CELF4: variants seen among roughly 807,000 people sequenced by gnomAD.
The protein encoded by CELF4 is CUG-BP- and ETR-3-like factor 4.
In CELF4, 18 loss-of-function variants were observed where a neutral mutation model predicts 59.9. The ratio of observed to expected loss-of-function variants is 0.30; its 90% confidence interval spans 0.21 to 0.45. The LOEUF (loss-of-function observed/expected upper bound fraction) is 0.45, where lower values mean the gene tolerates loss of function less well. CELF4 is among the 20% of genes least tolerant of loss of function. The probability of loss-of-function intolerance (pLI) is 1.00; values close to 1 mark genes in which losing one functional copy is unlikely to be tolerated. For synonymous variants in CELF4, 261 were observed against 267.1 expected (o/e 0.98, Z 0.22); for missense variants, 456 against 689.0 (o/e 0.66, Z 3.79).
At chr18:37,271,320 T>C (rs2091177007) in intron 7 of CELF4, among the ~76,000 whole-genome samples, 1 of 136,638 alleles carries the variant, frequency 7.3e-6, no homozygotes, top group Non-Finnish European at 1.5e-5. Flanking sequence ...AGTGGTGCAA[T>C]CTCAGCTCAC....
At chr18:37,346,571 A>G (rs1323381908) in intron 2 of CELF4, among the ~76,000 whole-genome samples, 1 of 152,212 alleles carries the variant, frequency 6.6e-6, no homozygotes, top group East Asian at 1.9e-4. Flanking sequence ...GGGCAGGTAC[A>G]TGAGCCATGT....
chr18:37,489,699 C>A (rs945839301), intron 1 of CELF4, among the ~76,000 whole-genome samples: 5 of 152,226 alleles, frequency 3.3e-5, no homozygotes, highest in African/African-American at 1.2e-4. Flanking sequence ...CCAGAGACAT[C>A]CCTGGCGGGG....
intron 1 of CELF4, among the ~76,000 whole-genome samples, chr18:37,528,383 G>T (rs4799939): frequency 0.4 from 60,965 of 152,056 alleles, 13,412 homozygotes; most frequent in Admixed American, 0.54. Context: ...TTGACTGTGT[G>T]TGGTTTGTAA....
intron 2 of CELF4, among the ~76,000 whole-genome samples, chr18:37,380,161 C>T (rs1212520989): frequency 6.6e-6 from 1 of 152,172 alleles, no homozygotes; most frequent in South Asian, 2.1e-4. Flanking sequence ...GTTGTGATTT[C>T]TCAGATGCAG....
intron 2 of CELF4, among the ~76,000 whole-genome samples, chr18:37,384,060 T>C (rs1411394855): frequency 6.6e-6 from 1 of 152,104 alleles, no homozygotes; most frequent in Non-Finnish European, 1.5e-5. Context: ...GCCTCCTGCA[T>C]GGCTAATTGG....
chr18:37,442,169 A>G (rs1423078455), intron 2 of CELF4, among the ~76,000 whole-genome samples: 1 of 152,172 alleles, frequency 6.6e-6, no homozygotes, highest in Non-Finnish European at 1.5e-5. Context: ...GGAGGAGAAG[A>G]AAGGGATAAA....
chr18:37,387,513 T>C (rs2099112199), intron 2 of CELF4, among the ~76,000 whole-genome samples: 1 of 152,220 alleles, frequency 6.6e-6, no homozygotes, highest in African/African-American at 2.4e-5. Context: ...TGGGCCCAGC[T>C]GAGTCCGGCT....
intron 2 of CELF4, among the ~76,000 whole-genome samples, chr18:37,430,560 C>T (rs2099642807): frequency 6.6e-6 from 1 of 152,202 alleles, no homozygotes. Flanking sequence ...TAAAGCCAGG[C>T]ACAAGCCCAA....
At chr18:37,365,094 A>G (rs554096871) in intron 2 of CELF4, among the ~76,000 whole-genome samples, 1 of 152,250 alleles carries the variant, frequency 6.6e-6, no homozygotes, top group East Asian at 1.9e-4. Context: ...AACAGCAGAG[A>G]ATGATTTTAC....
At chr18:37,413,109 A>G (rs1043104414) in intron 2 of CELF4, among the ~76,000 whole-genome samples, 3 of 152,192 alleles carry the variant, frequency 2.0e-5, no homozygotes, top group African/African-American at 7.2e-5. Context: ...TGGAGGCTCA[A>G]TGAAATGGAA....
chr18:37,293,129 T>A lies in CELF4; in HGVS notation c.449-17886A>T, dbSNP rs545326596. On this transcript the variant is annotated intron_variant, in intron 3 of 12. Transcript: ENST00000420428. ...TGTGGAAACCCCTTGGGGACCTGCATCCTCAGCCCAGGCTCCTTCGGGCAC... is the reference window on the plus strand; with the variant it reads ...TGTGGAAACCCCTTGGGGACCTGCAACCTCAGCCCAGGCTCCTTCGGGCAC... Among the ~76,000 whole-genome samples the A allele has an allele frequency of 2.6e-5, 4 of 152,346 alleles. No individual in the cohort carries two copies. The South Asian group carries it at 8.3e-4, about 32-fold the overall frequency.
intron 1 of CELF4, among the ~76,000 whole-genome samples, chr18:37,562,760 T>C (rs920795444): frequency 2.6e-5 from 4 of 152,228 alleles, no homozygotes; most frequent in Non-Finnish European, 5.9e-5. Context: ...CTTCTAGGAC[T>C]GAATAAACCA....
intron 2 of CELF4, among the ~76,000 whole-genome samples, chr18:37,433,889 C>T (rs2099679692): frequency 6.6e-6 from 1 of 152,180 alleles, no homozygotes; most frequent in South Asian, 2.1e-4. Context: ...CTGGCTAGCT[C>T]CCTAGACCTC....
rs572765481 is a variant in CELF4 at position 37,379,846 on chromosome 18, A to G, written c.370-57965T>C. 3.1e-4 allele frequency among the ~76,000 whole-genome samples: 47 copies of G among 152,260 alleles called. 2 individuals are homozygous for G. Among genetic ancestry groups the G allele is most frequent in the African/African-American group, 1.1e-3 (46 of 41,554 alleles). On this transcript the variant is annotated intron_variant, in intron 2 of 12. Coordinates refer to ENST00000420428, the MANE Select transcript of CELF4 (RefSeq NM_020180.4). ...GCTCCCCATTTTGTGTGCATGGAGC[A>G]TGGTGTTGGAGAGAGGCAGAGGGGT... is the stretch of plus-strand genomic sequence containing the variant.
chr18:37,409,814 G>A (rs1482285755), intron 2 of CELF4, among the ~76,000 whole-genome samples: 1 of 152,150 alleles, frequency 6.6e-6, no homozygotes, highest in Non-Finnish European at 1.5e-5. Flanking sequence ...CTTGCTTTAG[G>A]TTTCATGCTT....
At chr18:37,490,580 G>A (rs1369992291) in intron 1 of CELF4, among the ~76,000 whole-genome samples, 1 of 152,040 alleles carries the variant, frequency 6.6e-6, no homozygotes, top group Non-Finnish European at 1.5e-5. Context: ...AGCTTCCTCT[G>A]AGCCGGGGCT....
Position 37,274,791 on chromosome 18 carries a change from G to C in CELF4, c.657+14C>G. ...CCGCTGCCCTCGCCCCCGCCCCAAG[G>C]GGCCAGCACTCACCGGCATGGTCTG... On this transcript the variant is annotated intron_variant, in intron 5 of 12. Transcript: ENST00000420428. 2 of 1,577,024 alleles carry C rather than the reference G, an allele frequency of 1.3e-6. No homozygotes were observed. Among genetic ancestry groups the C allele is most frequent in the Non-Finnish European group, 1.7e-6 (2 of 1,164,206 alleles).
chr18:37,330,651 C>T (rs146855582), intron 2 of CELF4, among the ~76,000 whole-genome samples: 1 of 152,278 alleles, frequency 6.6e-6, no homozygotes, highest in African/African-American at 2.4e-5. Context: ...CCAGCATGGC[C>T]CCAATGCACA....
intron 12 of CELF4, among the ~76,000 whole-genome samples, chr18:37,249,213 C>T (rs926662719): frequency 1.3e-5 from 2 of 152,110 alleles, no homozygotes; most frequent in African/African-American, 4.8e-5. Context: ...CCCAGAAGCC[C>T]TTAGACCCAC....
Sources: gnomAD v4.1 joint callset for allele counts (sites outside exome capture counted in the v4.1 genomes callset) on GRCh38, gnomAD v4.1.1 for gene constraint, MANE v1.5 for transcripts, NCBI Gene and HGNC (gene_info 2026-07-23, HGNC 2026-07-21) for gene names.